PLG: variants seen among roughly 807,000 people sequenced by gnomAD.
PLG encodes the protein plasmin.
PLG carries 41 observed loss-of-function variants against 104.4 expected under a neutral mutation model. The observed-to-expected ratio is 0.39, with a 90% confidence interval of 0.31 to 0.51. PLG has a LOEUF of 0.51. Ranked by LOEUF, PLG falls within the 20% of genes least tolerant of loss-of-function variation. The pLI is 0.76. For missense variants in PLG, 891 were observed against 1,003.6 expected (o/e 0.89, Z 1.52); for synonymous variants, 337 against 357.1 (o/e 0.94, Z 0.63).
chr6:160,752,040 G>C lies in PLG; in HGVS notation c.2126-75G>C. Reference sequence around the variant, plus strand: ...CCTCACAGACAGGAGGTCCAGTGCCGCTGCTCTGTTCTGGAATATCCTCCT... The same window carrying C: ...CCTCACAGACAGGAGGTCCAGTGCCCCTGCTCTGTTCTGGAATATCCTCCT... On this transcript the variant is annotated intron_variant, in intron 17 of 18. Coordinates refer to ENST00000308192, the MANE Select transcript of PLG (RefSeq NM_000301.5). The surrounding 1 kb of genome is among the most constrained non-coding windows in gnomAD (Gnocchi z 4.7). The C allele has an allele frequency of 7.5e-7, 1 of 1,334,970 alleles. No individual in the cohort carries two copies. Among genetic ancestry groups the C allele is most frequent in the Non-Finnish European group, 1.1e-6 (1 of 931,606 alleles). 82.7% of individuals were successfully genotyped at this position (1,334,970 alleles called of 1,614,324 possible).
rs1778009163 is a variant in PLG, at chr6:160,732,055, A to G, written c.1587+162A>G. 6.6e-6 allele frequency among the ~76,000 whole-genome samples: 1 copy of G among 152,186 alleles called. No individual in the cohort carries two copies. Among genetic ancestry groups the G allele is most frequent in the South Asian group, 2.1e-4 (1 of 4,828 alleles). On this transcript the variant is annotated intron_variant, in intron 12 of 18. Transcript: ENST00000308192. The surrounding 1 kb of genome is among the most constrained non-coding windows in gnomAD (Gnocchi z 4.5). The stretch of plus-strand genomic sequence containing the variant: ...AAAGGCATCAGGGGGCTAAGCTAGA[A>G]TATAATTGGCCTTAGTATGGAAAGT...
At chr6:160,713,512 G>A (rs1199239987) in intron 5 of PLG, 13 of 235,138 alleles carry the variant, frequency 5.5e-5, no homozygotes, top group Admixed American at 1.5e-4. Context: ...CAGGTGATCC[G>A]CCTGCCTCAG....
At chr6:160,721,905 C>T (rs931234602) in intron 9 of PLG, among the ~76,000 whole-genome samples, 6 of 152,188 alleles carry the variant, frequency 3.9e-5, no homozygotes, top group Non-Finnish European at 7.3e-5. Flanking sequence ...TTTTTGCCTC[C>T]ACCACTCTCT....
chr6:160,729,343 A>G (rs1222025263), intron 10 of PLG, among the ~76,000 whole-genome samples: 1 of 152,204 alleles, frequency 6.6e-6, no homozygotes, highest in African/African-American at 2.4e-5. Context: ...TTAAATAACT[A>G]TGAGTCTACC....
chr6:160,736,884 C>T lies in PLG; in HGVS notation c.1682-3C>T, dbSNP rs562193337. 5 of 1,613,874 alleles carry T rather than the reference C, an allele frequency of 3.1e-6. No homozygotes were observed. In the African/African-American group the frequency reaches 4.0e-5, roughly 13 times the overall value. On this transcript the variant is annotated splice_polypyrimidine_tract_variant and splice_region_variant and intron_variant, in intron 13 of 18. Transcript: ENST00000308192. This position sits in a 1 kb window ranked among gnomAD's most constrained non-coding sequence, Gnocchi z 5.2. ...GGGATTTCTTTCCCACCTTGTGCCA[C>T]AGCGGCCCCTTCATTTGATTGTGGG...
Position 160,736,554 on chromosome 6 carries a change from C to T in PLG, c.1682-333C>T, listed in dbSNP as rs1778085366. Among the ~76,000 whole-genome samples the T allele has an allele frequency of 6.6e-6, 1 of 152,180 alleles. No individual in the cohort carries two copies. The highest frequency in any genetic ancestry group is 1.5e-5 in the Non-Finnish European group (1 of 68,032). On this transcript the variant is annotated intron_variant, in intron 13 of 18. Transcript: ENST00000308192. The surrounding 1 kb of genome is among the most constrained non-coding windows in gnomAD (Gnocchi z 5.2). ...ATGGCATCATGTTCTAAACATACTGCATGGAGTCAGAATAACAATGACAAA... is the reference window on the plus strand; with the variant it reads ...ATGGCATCATGTTCTAAACATACTGTATGGAGTCAGAATAACAATGACAAA...
chr6:160,740,988 C>T lies in PLG; in HGVS notation c.2019-323C>T, dbSNP rs543453081. 3.9e-5 allele frequency among the ~76,000 whole-genome samples: 6 copies of T among 152,294 alleles called. No homozygotes were observed. The highest frequency in any genetic ancestry group is 1.4e-4 in the African/African-American group (6 of 41,564). ...GCCCTATTCGATTAATGTAAAAGGA[C>T]ACACTCAGCATGAGATTCCAGTTGT... On this transcript the variant is annotated intron_variant, in intron 16 of 18. Coordinates refer to ENST00000308192, the MANE Select transcript of PLG (RefSeq NM_000301.5). This position sits in a 1 kb window ranked among gnomAD's most constrained non-coding sequence, Gnocchi z 5.2.
chr6:160,738,604 C>T lies in PLG; in HGVS notation c.1869C>T (p.Cys623=), dbSNP rs144424879. 1.0e-5 allele frequency: 16 copies of T among 1,599,740 alleles called. No homozygotes were observed. Among genetic ancestry groups the T allele is most frequent in the South Asian group, 2.2e-5 (2 of 90,774 alleles). The stretch of plus-strand genomic sequence containing the variant: ...AGTGGGTGTTGACTGCTGCCCACTG[C>T]TTGGAGAAGTATGTTTAGGGGACAA... The part of the protein sequence containing the change: ...SPEWVLTAAH[C]LEKSPRPSSY... Residue 623 remains cysteine (C), a synonymous_variant, in exon 15 of 19, where the codon TGC becomes TGT. Transcript: ENST00000308192. This position sits in a 1 kb window ranked among gnomAD's most constrained non-coding sequence, Gnocchi z 6.8.
In PLG at chr6:160,737,605, A is replaced by G. The variant is rs933540225; in HGVS notation, c.1802+598A>G. Among the ~76,000 whole-genome samples the G allele has an allele frequency of 7.2e-5, 11 of 152,168 alleles. No individual in the cohort carries two copies. The highest frequency in any genetic ancestry group is 6.5e-4 in the Admixed American group (10 of 15,282). The stretch of plus-strand genomic sequence containing the variant: ...TGTTTCAGTGGAACATGCCTTTCAT[A>G]AGTTCCATTTTCTTGGGTATCTCTT... On this transcript the variant is annotated intron_variant, in intron 14 of 18. Transcript: ENST00000308192. The surrounding 1 kb of genome is among the most constrained non-coding windows in gnomAD (Gnocchi z 4.7).
intron 17 of PLG, among the ~76,000 whole-genome samples, chr6:160,751,699 T>C (rs1435854528): frequency 6.6e-6 from 1 of 152,132 alleles, no homozygotes. Flanking sequence ...TATACAAAAC[T>C]CATGACACAA....
At chr6:160,715,046 C>A in intron 6 of PLG, 132 bp downstream of exon 6, 1 of 887,146 alleles carries the variant, frequency 1.1e-6, no homozygotes, top group Non-Finnish European at 1.8e-6. Flanking sequence ...CAAAGCTAAC[C>A]TCCTCCCACA....
intron 17 of PLG, among the ~76,000 whole-genome samples, chr6:160,745,258 G>C (rs372273065): frequency 2.0e-5 from 3 of 152,154 alleles, no homozygotes; most frequent in African/African-American, 7.2e-5. Context: ...GAGTACTGAA[G>C]TCTCCCACTA....
rs1223522211 is a variant in PLG at position 160,718,814 on chromosome 6, T to A, written c.1072T>A (p.Ser358Thr). 6 of 1,613,730 alleles carry A rather than the reference T, an allele frequency of 3.7e-6. No individual in the cohort carries two copies. Among genetic ancestry groups the A allele is most frequent in the Non-Finnish European group, 5.1e-6 (6 of 1,179,794 alleles). The change falls in exon 9 of 19, where the codon TCC becomes ACC. Residue 358 changes from serine (S) to threonine (T), a missense_variant. Coordinates refer to ENST00000308192, the MANE Select transcript of PLG (RefSeq NM_000301.5). The stretch of plus-strand genomic sequence containing the variant: ...ACCGTCCTGTGACTCCTCCCCAGTA[T>A]CCACGGAACAATTGGCTCCCACAGG... ...KIPSCDSSPV[S>T]TEQLAPTAPP...
rs1184905452 is a variant in PLG, at chr6:160,726,477, T to C, written c.1256+3910T>C. Among the ~76,000 whole-genome samples the C allele has an allele frequency of 2.0e-5, 3 of 151,990 alleles. No individual in the cohort carries two copies. In the East Asian group the frequency reaches 5.8e-4, roughly 29 times the overall value. On this transcript the variant is annotated intron_variant, in intron 10 of 18. Transcript: ENST00000308192. This position sits in a 1 kb window ranked among gnomAD's most constrained non-coding sequence, Gnocchi z 4.4. ...ATGCTTTCAGTAGAAAATAGAAACA[T>C]GTAAAAATCAATGACTTAAGATGGC...
chr6:160,707,647 G>GTA (rs1777554484), intron 2 of PLG, 53 bp from the exon 3 acceptor site: 1 of 1,476,744 alleles, frequency 6.8e-7, no homozygotes, highest in Non-Finnish European at 9.5e-7. Flanking sequence ...ATAAACATTT[G>GTA]TTTTCTTTAA....
intron 9 of PLG, among the ~76,000 whole-genome samples, chr6:160,720,577 G>A (rs767809711): frequency 6.6e-6 from 1 of 151,668 alleles, no homozygotes; most frequent in African/African-American, 2.4e-5. Flanking sequence ...GTGCCACCAG[G>A]CCCAGCTAAT....
At chr6:160,745,024 G>A (rs919298959) in intron 17 of PLG, among the ~76,000 whole-genome samples, 1 of 152,120 alleles carries the variant, frequency 6.6e-6, no homozygotes, top group African/African-American at 2.4e-5. Context: ...GAGTGTGTTT[G>A]GTATGATTTT....
rs3057066 is a variant in PLG, at chr6:160,720,410, C to CTTTTTTTTTTTTTTTTTTTTTTTTTTTT, written c.1096+1599_1096+1600insTTTTTTTTTTTTTTTTTTTTTTTTTTTT. ...TCTTTTCTCTTTTTTCTTTTCTTTT[C>CTTTTTTTTTTTTTTTTTTTTTTTTTTTT]TTTTTTTTTTTTTTTTTTTTTTTTT... On this transcript the variant is annotated intron_variant, in intron 9 of 18. Coordinates refer to ENST00000308192, the MANE Select transcript of PLG (RefSeq NM_000301.5). Among the ~76,000 whole-genome samples, 6 of 58,520 alleles carry CTTTTTTTTTTTTTTTTTTTTTTTTTTTT rather than the reference C, an allele frequency of 1.0e-4. 1 individual carries two copies. Among genetic ancestry groups the CTTTTTTTTTTTTTTTTTTTTTTTTTTTT allele is most frequent in the Non-Finnish European group, 1.4e-4 (5 of 35,318 alleles). 38.4% of individuals were successfully genotyped at this position (58,520 alleles called of 152,430 possible).
chr6:160,732,390 C>G lies in PLG; in HGVS notation c.1587+497C>G, dbSNP rs960197541. Among the ~76,000 whole-genome samples, 1 of 152,134 alleles carries G rather than the reference C, an allele frequency of 6.6e-6. No individual in the cohort carries two copies. Among genetic ancestry groups the G allele is most frequent in the African/African-American group, 2.4e-5 (1 of 41,416 alleles). The stretch of plus-strand genomic sequence containing the variant: ...AAAAACCAAAGTGTCTGTGTTCCCC[C>G]ACTCTCACACCCATGCAGCATAACA... On this transcript the variant is annotated intron_variant, in intron 12 of 18. Transcript: ENST00000308192. This position sits in a 1 kb window ranked among gnomAD's most constrained non-coding sequence, Gnocchi z 4.5.
Sources: allele counts gnomAD v4.1 joint callset (sites outside exome capture counted in the v4.1 genomes callset), GRCh38; gene constraint gnomAD v4.1.1; non-coding constraint Gnocchi (gnomAD v3.1); transcripts MANE v1.5; gene names NCBI Gene and HGNC (gene_info 2026-07-23, HGNC 2026-07-21).